The following GOLGA6L2 variants were observed in gnomAD, a reference collection of about 807,000 sequenced individuals.
The protein encoded by GOLGA6L2 is golgin A6 family like 2.
Under a neutral mutation model 35.9 loss-of-function variants are expected in GOLGA6L2, and 30 were observed. The observed-to-expected ratio is 0.83, with a 90% CI of 0.62 to 1.13. The LOEUF (loss-of-function observed/expected upper bound fraction) is 1.13, where lower values mean the gene tolerates loss of function less well. GOLGA6L2 is among the 50% of genes most tolerant of loss of function. GOLGA6L2 has a pLI of 0.00. For synonymous variants in GOLGA6L2, 297 were observed against 344.0 expected (o/e 0.86, Z 1.51); for missense variants, 821 against 973.4 (o/e 0.84, Z 2.08).
Position 23,439,200 on chromosome 15 carries a change from G to T in GOLGA6L2, c.*545C>A, listed in dbSNP as rs1308035998. Among the ~76,000 whole-genome samples the T allele has an allele frequency of 7.3e-6, 1 of 136,920 alleles. No individual in the cohort carries two copies. The highest frequency in any genetic ancestry group is 2.6e-5 in the African/African-American group (1 of 37,880). 89.8% of individuals were successfully genotyped at this position (136,920 alleles called of 152,430 possible). A position where few individuals can be genotyped will look rare whatever the true frequency, so the allele number is the denominator to read the frequency against. ...GAATCTCGCTCTGTCATCCAGGCTG[G>T]AATGCGGTGGTGTGATCTTGGCTCA... On this transcript the variant is annotated 3_prime_UTR_variant, in exon 8 of 8. Coordinates refer to ENST00000567107, the MANE Select transcript of GOLGA6L2 (RefSeq NM_001304388.2).
Position 23,441,630 on chromosome 15 carries a change from C to A in GOLGA6L2, c.845G>T (p.Arg282Leu). The change falls in exon 8 of 8, where the codon CGG becomes CTG. Residue 282 changes from arginine to leucine, a missense_variant. Arg to Leu is a moderately radical substitution (Grantham distance 102). Coordinates refer to ENST00000567107, the MANE Select transcript of GOLGA6L2 (RefSeq NM_001304388.2). ...CTTCCGTATCTTCTTTTCCTGCTCC[C>A]GTAGCTCCTCCTCCTGCCTCCACAT... ...EEMWRQEEEL[R>L]EQEKKIRKQE... 1 of 1,544,480 alleles carries A rather than the reference C, an allele frequency of 6.5e-7. No homozygotes were observed.
chr15:23,446,289 C>A (rs534785659), intron 1 of GOLGA6L2, among the ~76,000 whole-genome samples: 1 of 152,150 alleles, frequency 6.6e-6, no homozygotes, highest in Non-Finnish European at 1.5e-5. Flanking sequence ...ACAATGTCAA[C>A]ATTTTGAGTT....
chr15:23,446,715 G>A (rs149298445), intron 1 of GOLGA6L2, among the ~76,000 whole-genome samples: 1,569 of 151,866 alleles, frequency 0.01, 34 homozygotes, highest in African/African-American at 0.036. Flanking sequence ...TATGGAGCGG[G>A]GAGCCCCAGG....
In GOLGA6L2 at chr15:23,441,287, C is replaced by T; in HGVS notation, c.1188G>A (p.Glu396=). 6.5e-7 allele frequency: 1 copy of T among 1,538,896 alleles called. No individual in the cohort carries two copies. The highest frequency in any genetic ancestry group is 1.2e-5 in the South Asian group (1 of 83,974). Residue 396 remains glutamate, a synonymous_variant, in exon 8 of 8, where the codon GAG becomes GAA. Transcript: ENST00000567107. ...TCTCGTCCTGCTCCCACATCCTCTC[C>T]TCTTGGTCCCGCATCTTCTGCTCCT... ...REQEQKMRDQ[E]ERMWEQDERL...
chr15:23,442,456 C>T lies in GOLGA6L2; in HGVS notation c.644G>A (p.Arg215Lys). Residue 215 changes from arginine (R) to lysine (K), a missense_variant, in exon 6 of 8, where the codon AGG becomes AAG. Arg to Lys is a conservative substitution (Grantham distance 26). This residue lies in a region of GOLGA6L2 where 614 missense variants were observed against 632.3 expected (regional missense o/e 0.97). Transcript: ENST00000567107. The part of the protein sequence containing the change: ...ERDALSLELY[R>K]NTITNEELKK... Reference sequence around the variant, plus strand: ...CCACCTTCCCCCATCCTACGTGTTCCTGTACAGTTCCAGACTCAGGGCGTC... The same window carrying T: ...CCACCTTCCCCCATCCTACGTGTTCTTGTACAGTTCCAGACTCAGGGCGTC... 3.8e-6 allele frequency: 6 copies of T among 1,596,722 alleles called. No homozygotes were observed. The highest frequency in any genetic ancestry group is 5.1e-6 in the Non-Finnish European group (6 of 1,178,638).
intron 5 of GOLGA6L2, among the ~76,000 whole-genome samples, chr15:23,443,161 C>G (rs1462680955): frequency 6.6e-6 from 1 of 152,088 alleles, no homozygotes; most frequent in Non-Finnish European, 1.5e-5. Flanking sequence ...CCAGGTGTAT[C>G]TGATTCTCTA....
chr15:23,445,306 C>T lies in GOLGA6L2; in HGVS notation c.213+4G>A, dbSNP rs2344895. 0.034 allele frequency: 12,309 copies of T among 361,148 alleles called. 4,544 individuals are homozygous for T. The African/African-American group carries it at 0.42, about 12-fold the overall frequency. 22.4% of individuals were successfully genotyped at this position (361,148 alleles called of 1,614,324 possible). On this transcript the variant is annotated splice_donor_region_variant and intron_variant, in intron 2 of 7. Transcript: ENST00000567107. Reference sequence around the variant, plus strand: ...CCTCAGGAGACCGGCCAGCCAAGACCCACATCCTCAGGTGAATGGCAACCC... The same window carrying T: ...CCTCAGGAGACCGGCCAGCCAAGACTCACATCCTCAGGTGAATGGCAACCC...
rs1204952009 is a variant in GOLGA6L2 at position 23,446,980 on chromosome 15, T to TG, written c.84+117dup. 2.4e-5 allele frequency: 13 copies of TG among 544,024 alleles called. No homozygotes were observed. The Admixed American group carries it at 2.4e-4, about 10-fold the overall frequency. The allele number at this position is 544,024 out of a possible 1,614,324, so 33.7% of individuals were successfully genotyped here. On this transcript the variant is annotated intron_variant, in intron 1 of 7. Coordinates refer to ENST00000567107, the MANE Select transcript of GOLGA6L2 (RefSeq NM_001304388.2). ...TTTGATTGGGGGAGCCCAGCGGCACTGGGGGGGACCCAGCCCAGTGTGCCT... is the reference window on the plus strand; with the variant it reads ...TTTGATTGGGGGAGCCCAGCGGCACTGGGGGGGGACCCAGCCCAGTGTGCCT...
In GOLGA6L2 at chr15:23,447,214, TC is replaced by T; in HGVS notation, c.-34del. On this transcript the variant is annotated 5_prime_UTR_variant, in exon 1 of 8. Coordinates refer to ENST00000567107, the MANE Select transcript of GOLGA6L2 (RefSeq NM_001304388.2). ...ATTCAGACGAGGACAAGGATACACC[TC>T]CAGTCACGTACCACGCAGCTATGTG... 8.4e-7 allele frequency: 1 copy of T among 1,197,344 alleles called. No homozygotes were observed. Among genetic ancestry groups the T allele is most frequent in the Non-Finnish European group, 1.2e-6 (1 of 803,494 alleles). 74.2% of individuals were successfully genotyped at this position (1,197,344 alleles called of 1,614,324 possible). A position where few individuals can be genotyped will look rare whatever the true frequency, so the allele number is the denominator to read the frequency against.
chr15:23,447,081 A>G lies in GOLGA6L2; in HGVS notation c.84+17T>C. ...GGCTGGGTTGGGGTTGGGGTGCCGCAACCCAGTGAGTTTTACCTTTTTCTT... is the reference window on the plus strand; with the variant it reads ...GGCTGGGTTGGGGTTGGGGTGCCGCGACCCAGTGAGTTTTACCTTTTTCTT... On this transcript the variant is annotated intron_variant, in intron 1 of 7. Transcript: ENST00000567107. 1 of 1,444,870 alleles carries G rather than the reference A, an allele frequency of 6.9e-7. No individual in the cohort carries two copies. The highest frequency in any genetic ancestry group is 9.4e-7 in the Non-Finnish European group (1 of 1,058,572). The allele number at this position is 1,444,870 out of a possible 1,614,324, so 89.5% of individuals were successfully genotyped here.
At chr15:23,444,755 G>T (rs2141085034) in intron 2 of GOLGA6L2, among the ~76,000 whole-genome samples, 1 of 152,312 alleles carries the variant, frequency 6.6e-6, no homozygotes, top group African/African-American at 2.4e-5. Flanking sequence ...CTTCAGAGAT[G>T]GAGTGTGAGA....
At position 23,442,124 on chromosome 15, in the gene GOLGA6L2, T is replaced by C. The variant is rs1274004117; in HGVS notation, c.651-4A>G. ...CTTCAGCTCCTCATTGGTTATGCTATGGCCCGAGGCAGTAGAGAAAGGAAT... is the reference window on the plus strand; with the variant it reads ...CTTCAGCTCCTCATTGGTTATGCTACGGCCCGAGGCAGTAGAGAAAGGAAT... On this transcript the variant is annotated splice_polypyrimidine_tract_variant and splice_region_variant and intron_variant, in intron 6 of 7. Transcript: ENST00000567107. 3.8e-6 allele frequency: 6 copies of C among 1,568,352 alleles called. No homozygotes were observed. Among genetic ancestry groups the C allele is most frequent in the Non-Finnish European group, 5.2e-6 (6 of 1,163,654 alleles).
chr15:23,441,305 C>G lies in GOLGA6L2; in HGVS notation c.1170G>C (p.Gln390His). The G allele has an allele frequency of 6.5e-7, 1 of 1,532,290 alleles. No individual in the cohort carries two copies. The highest frequency in any genetic ancestry group is 2.0e-5 in the Admixed American group (1 of 50,230). 94.9% of individuals were successfully genotyped at this position (1,532,290 alleles called of 1,614,324 possible). Reference sequence around the variant, plus strand: ...TCCTCTCCTCTTGGTCCCGCATCTTCTGCTCCTGCTCCCGCATCTGCTTCT... The same window carrying G: ...TCCTCTCCTCTTGGTCCCGCATCTTGTGCTCCTGCTCCCGCATCTGCTTCT... The part of the protein sequence containing the change: ...EQEKQMREQE[Q>H]KMRDQEERMW... The change falls in exon 8 of 8, where the codon CAG becomes CAC. Residue 390 changes from glutamine to histidine, a missense_variant. By Grantham distance (24) the Gln-to-His change is conservative. Around this residue, in one of 7 missense-constraint regions of GOLGA6L2, gnomAD observed 614 missense variants for 632.3 expected, o/e 0.97. Transcript: ENST00000567107.
intron 5 of GOLGA6L2, among the ~76,000 whole-genome samples, chr15:23,443,527 A>G (rs965874449): frequency 6.6e-6 from 1 of 152,208 alleles, no homozygotes; most frequent in Non-Finnish European, 1.5e-5. Context: ...GCCACAGCCA[A>G]GTATGGGCAG....
At chr15:23,442,589 C>T in intron 5 of GOLGA6L2, 81 bp from the exon 6 acceptor site, 1 of 1,305,686 alleles carries the variant, frequency 7.7e-7, no homozygotes, top group Non-Finnish European at 1.1e-6. Flanking sequence ...TACACTGATA[C>T]TCCACAGTAA....
At chr15:23,446,478 A>G (rs568234744) in intron 1 of GOLGA6L2, among the ~76,000 whole-genome samples, 13 of 152,208 alleles carry the variant, frequency 8.5e-5, no homozygotes, top group Non-Finnish European at 1.5e-4. Flanking sequence ...TCCTAAGATC[A>G]AAGGCCAGTC....
rs1338474743 is a variant in GOLGA6L2 at position 23,440,835 on chromosome 15, G to A, written c.1640C>T (p.Thr547Ile). The A allele has an allele frequency of 2.6e-6, 4 of 1,512,850 alleles. No homozygotes were observed. In the Admixed American group the frequency reaches 6.3e-5, roughly 24 times the overall value. The allele number at this position is 1,512,850 out of a possible 1,614,324, so 93.7% of individuals were successfully genotyped here. The change falls in exon 8 of 8, where the codon ACA (threonine) becomes ATA (isoleucine). Residue 547 changes from threonine to isoleucine, a missense_variant. Thr to Ile is a moderately conservative substitution (Grantham distance 89, BLOSUM62 -1). Transcript: ENST00000567107. Reference sequence around the variant, plus strand: ...TCCTGCTCCTGCAGCCTCTCCTCCTGTCTCCACATCTTCCTGCTCCCGCAT... The same window carrying A: ...TCCTGCTCCTGCAGCCTCTCCTCCTATCTCCACATCTTCCTGCTCCCGCAT... ...EKMREQEDVE[T>I]GGEAAGAGEA...
chr15:23,440,711 TC>T lies in GOLGA6L2; in HGVS notation c.1763del (p.Gly588GlufsTer390). 6.7e-7 allele frequency: 1 copy of T among 1,498,198 alleles called. No individual in the cohort carries two copies. 92.8% of individuals were successfully genotyped at this position (1,498,198 alleles called of 1,614,324 possible). ...EDVGAGREAAGEGGENAGAEE... is the reference protein window; with the variant it reads ...EDVGAGREAAXEGGENAGAEE... ...CTGCTCCCGCATTCTCTCCTCCTTC[TC>T]CCGCAGCCTCTCGTCCTGCTCCCAC... is the stretch of plus-strand genomic sequence containing the variant. On this transcript the variant is annotated frameshift_variant, in exon 8 of 8. Coordinates refer to ENST00000567107, the MANE Select transcript of GOLGA6L2 (RefSeq NM_001304388.2). LOFTEE classifies it low-confidence loss of function (END_TRUNC).
At position 23,439,715 on chromosome 15, in the gene GOLGA6L2, G is replaced by A. The variant is rs759871032; in HGVS notation, c.*30C>T. ...AGAACCCTCCCCAGCCTCTCCTCCT[G>A]CAGGCTCCACACTGCCAGTGTGGCT... is the stretch of plus-strand genomic sequence containing the variant. On this transcript the variant is annotated 3_prime_UTR_variant, in exon 8 of 8. Coordinates refer to ENST00000567107, the MANE Select transcript of GOLGA6L2 (RefSeq NM_001304388.2). 20 of 1,536,914 alleles carry A rather than the reference G, an allele frequency of 1.3e-5. No individual in the cohort carries two copies. The South Asian group carries it at 1.7e-4, about 13-fold the overall frequency.
Sources: allele counts gnomAD v4.1 joint callset (sites outside exome capture counted in the v4.1 genomes callset), GRCh38; gene constraint gnomAD v4.1.1; regional missense constraint gnomAD v4.1.1; transcripts MANE v1.5; gene names NCBI Gene and HGNC (gene_info 2026-07-23, HGNC 2026-07-21).